KCNK10: variants seen among roughly 807,000 people sequenced by gnomAD.
KCNK10 encodes the protein potassium two pore domain channel subfamily K member 10.
KCNK10 carries 25 observed loss-of-function variants against 47.7 expected under a neutral mutation model. That is an observed-to-expected ratio of 0.52 (90% CI 0.38 to 0.73). The LOEUF (loss-of-function observed/expected upper bound fraction) is 0.73, where lower values mean the gene tolerates loss of function less well. KCNK10 is among the 30% of genes least tolerant of loss of function. The pLI is 0.00. For synonymous variants in KCNK10, 303 were observed against 285.6 expected (o/e 1.06, Z -0.61); for missense variants, 563 against 714.5 (o/e 0.79, Z 2.42).
chr14:88,295,338 T>C (rs980214061), intron 1 of KCNK10, among the ~76,000 whole-genome samples: 5 of 152,212 alleles, frequency 3.3e-5, no homozygotes, highest in African/African-American at 1.2e-4. Flanking sequence ...ATTTGCAAAA[T>C]TCTTCTTGGC....
chr14:88,272,908 C>A (rs1456374652), intron 1 of KCNK10, among the ~76,000 whole-genome samples: 2 of 152,072 alleles, frequency 1.3e-5, no homozygotes, highest in African/African-American at 4.8e-5. Context: ...AGAAAGGAGG[C>A]GTCTGGGATG....
Position 88,323,100 on chromosome 14 carries a change from T to C in KCNK10, c.-302A>G. ...GGATGGAGAGGAAGGCTTGGGGAGA[T>C]GGAAGAGCCAAGCTGCTTCCCAAAA... On this transcript the variant is annotated 5_prime_UTR_variant, in exon 1 of 7. Transcript: ENST00000319231. 8.3e-7 allele frequency: 1 copy of C among 1,207,578 alleles called. No homozygotes were observed. The highest frequency in any genetic ancestry group is 1.0e-6 in the Non-Finnish European group (1 of 961,958). 74.8% of individuals were successfully genotyped at this position (1,207,578 alleles called of 1,614,324 possible). A position where few individuals can be genotyped will look rare whatever the true frequency, so the allele number is the denominator to read the frequency against.
chr14:88,271,023 C>G (rs764706419), intron 1 of KCNK10: 50 of 559,774 alleles, frequency 8.9e-5, no homozygotes, highest in Non-Finnish European at 1.4e-4. Flanking sequence ...CACCCAGACC[C>G]GCTCACACCT....
chr14:88,267,463 C>T (rs1887294185), intron 1 of KCNK10, among the ~76,000 whole-genome samples: 1 of 151,858 alleles, frequency 6.6e-6, no homozygotes, highest in Non-Finnish European at 1.5e-5. Flanking sequence ...CTCCACCTCC[C>T]GGGTTCAAGC....
upstream of KCNK10, among the ~76,000 whole-genome samples, chr14:88,325,177 T>C (rs1157058686): frequency 6.6e-6 from 1 of 152,122 alleles, no homozygotes; most frequent in Non-Finnish European, 1.5e-5. Flanking sequence ...GTAAATTCTG[T>C]TCTCAAGTCC....
chr14:88,188,531 T>C (rs1001679159), intron 5 of KCNK10, among the ~76,000 whole-genome samples: 2 of 152,252 alleles, frequency 1.3e-5, no homozygotes, highest in African/African-American at 4.8e-5. Context: ...TTGGAATTCT[T>C]GGAACCATTT....
At chr14:88,240,649 G>T in intron 3 of KCNK10, 54 bp downstream of exon 3, 1 of 1,121,570 alleles carries the variant, frequency 8.9e-7, no homozygotes, top group Non-Finnish European at 1.4e-6. Context: ...CTGACTAAGC[G>T]CCCTTACTCA....
At position 88,182,486 on chromosome 14, in the gene KCNK10, T is replaced by C. The variant is rs1884405108; in HGVS notation, c.*3049A>G. ...CAACTGGCCTCCTCCAAAATTAGTT[T>C]ATATGAAGAGGAATCCAACCTCTTA... is the stretch of plus-strand genomic sequence containing the variant. On this transcript the variant is annotated 3_prime_UTR_variant, in exon 7 of 7. Transcript: ENST00000319231. 1 of 152,370 alleles carries C rather than the reference T, an allele frequency of 6.6e-6. No individual in the cohort carries two copies. The highest frequency in any genetic ancestry group is 6.5e-5 in the Admixed American group (1 of 15,286). 9.4% of individuals were successfully genotyped at this position (152,370 alleles called of 1,614,324 possible).
chr14:88,291,794 CA>C (rs1887885590), intron 1 of KCNK10, among the ~76,000 whole-genome samples: 1 of 152,154 alleles, frequency 6.6e-6, no homozygotes. Flanking sequence ...GGAGGGTAGG[CA>C]ACAGTGGAGT....
Position 88,185,760 on chromosome 14 carries a change from G to C in KCNK10, c.1407C>G (p.Thr469=), listed in dbSNP as rs752113191. The C allele has an allele frequency of 3.3e-5, 53 of 1,614,044 alleles. No homozygotes were observed. Among genetic ancestry groups the C allele is most frequent in the Non-Finnish European group, 4.2e-5 (50 of 1,180,044 alleles). The change falls in exon 7 of 7, where the codon ACC becomes ACG. Residue 469 remains threonine (T), a synonymous_variant. Coordinates refer to ENST00000319231, the MANE Select transcript of KCNK10 (RefSeq NM_138317.3). This position sits in a 1 kb window ranked among gnomAD's most constrained non-coding sequence, Gnocchi z 4.3. ...AGATTTTCTGAACGTCCTCGGGCAA[G>C]GTCTTTTTGAGGTCCTTGTTTTTCC... is the stretch of plus-strand genomic sequence containing the variant. ...TKRKNKDLKK[T]LPEDVQKIYK...
At chr14:88,263,141 T>G in intron 2 of KCNK10, 61 bp downstream of exon 2, 1 of 1,378,614 alleles carries the variant, frequency 7.3e-7, no homozygotes, top group Non-Finnish European at 9.9e-7. Flanking sequence ...CCCAGAAAGA[T>G]AAAACCAACA....
upstream of KCNK10, chr14:88,326,315 G>T: frequency 1.1e-6 from 1 of 918,504 alleles, no homozygotes; most frequent in Non-Finnish European, 1.8e-6. Context: ...GGGGATGGAG[G>T]GAGACCTCCC....
At chr14:88,200,812 A>G (rs1885077267) in intron 4 of KCNK10, among the ~76,000 whole-genome samples, 1 of 152,240 alleles carries the variant, frequency 6.6e-6, no homozygotes, top group Non-Finnish European at 1.5e-5. Flanking sequence ...CAGAGCTAGT[A>G]GGAGTTGAGA....
chr14:88,196,699 A>G (rs1347412218), intron 4 of KCNK10, among the ~76,000 whole-genome samples: 1 of 152,248 alleles, frequency 6.6e-6, no homozygotes, highest in African/African-American at 2.4e-5. Context: ...GAAGCTAAAC[A>G]TGCAGAGCTC....
At chr14:88,317,652 T>C (rs1888455772) in intron 1 of KCNK10, among the ~76,000 whole-genome samples, 1 of 152,242 alleles carries the variant, frequency 6.6e-6, no homozygotes, top group African/African-American at 2.4e-5. Context: ...TGCCTGTTTG[T>C]TGCTTTGGGC....
intron 4 of KCNK10, among the ~76,000 whole-genome samples, chr14:88,225,598 A>AT (rs1439925859): frequency 6.6e-6 from 1 of 152,188 alleles, no homozygotes; most frequent in Non-Finnish European, 1.5e-5. Context: ...AGTAACTAGA[A>AT]TTTTTTCTGC....
intron 5 of KCNK10, among the ~76,000 whole-genome samples, chr14:88,190,410 C>T (rs2281602): frequency 0.32 from 48,452 of 152,010 alleles, 7,802 homozygotes; most frequent in Admixed American, 0.38. Flanking sequence ...AGTTTTCCCA[C>T]GGACCGGCTA....
rs368092349 is a variant in KCNK10 at position 88,204,906 on chromosome 14, A to C, written c.682-12496T>G. Among the ~76,000 whole-genome samples the C allele has an allele frequency of 2.6e-5, 4 of 152,188 alleles. No individual in the cohort carries two copies. In the East Asian group the frequency reaches 5.8e-4, roughly 22 times the overall value. Reference sequence around the variant, plus strand: ...ATACTGACAATATCATCCAGAATCCATAGTATACATTAGGGTTCACTGTTG... The same window carrying C: ...ATACTGACAATATCATCCAGAATCCCTAGTATACATTAGGGTTCACTGTTG... On this transcript the variant is annotated intron_variant, in intron 4 of 6. Coordinates refer to ENST00000319231, the MANE Select transcript of KCNK10 (RefSeq NM_138317.3).
intron 4 of KCNK10, among the ~76,000 whole-genome samples, chr14:88,212,145 G>A (rs1185468561): frequency 8.0e-6 from 1 of 125,606 alleles, no homozygotes; most frequent in Admixed American, 7.6e-5. Context: ...GAGAGAGAGA[G>A]AGAGAAAGAG....
Sources: gnomAD v4.1 joint callset for allele counts (sites outside exome capture counted in the v4.1 genomes callset) on GRCh38, gnomAD v4.1.1 for gene constraint, Gnocchi (gnomAD v3.1) non-coding constraint, MANE v1.5 for transcripts, NCBI Gene and HGNC (gene_info 2026-07-23, HGNC 2026-07-21) for gene names.